The following SPMAP2L variants were observed in gnomAD, a reference collection of about 807,000 sequenced individuals.
The protein encoded by SPMAP2L is sperm microtubule associated protein 2-like.
At chr4:56,582,964 G>T in the SPMAP2L span, among the ~76,000 whole-genome samples, 2 of 152,140 alleles carry the variant, frequency 1.3e-5, no homozygotes, top group African/African-American at 4.8e-5. Context: ...CTACATATTT[G>T]TATCAGTCTA....
At chr4:56,593,044 C>T in the SPMAP2L span, 1 of 1,591,926 alleles carries the variant, frequency 6.3e-7, no homozygotes, top group Non-Finnish European at 8.6e-7. Flanking sequence ...AAAACCAGAT[C>T]TGGAGATCCT....
At chr4:56,559,551 A>T in the SPMAP2L span, 1 of 1,453,048 alleles carries the variant, frequency 6.9e-7, no homozygotes, top group Non-Finnish European at 9.0e-7. Context: ...ATGTTACTTT[A>T]TCAGGAGGTT....
the SPMAP2L span, among the ~76,000 whole-genome samples, chr4:56,579,540 C>T: frequency 2.7e-5 from 4 of 150,600 alleles, no homozygotes; most frequent in South Asian, 2.1e-4. Context: ...GAAGCTGAAG[C>T]GAGAGAATCA....
the SPMAP2L span, chr4:56,600,952 A>G: frequency 1.3e-6 from 2 of 1,533,902 alleles, no homozygotes; most frequent in Admixed American, 2.0e-5. Context: ...TGCTGCCATG[A>G]TAGCTAAACC....
At chr4:56,594,086 A>G in the SPMAP2L span, 1 of 1,608,416 alleles carries the variant, frequency 6.2e-7, no homozygotes, top group Non-Finnish European at 8.5e-7. Flanking sequence ...TGAAACAGTC[A>G]ATGAAAAAGA....
At chr4:56,545,287 T>C in the SPMAP2L span, among the ~76,000 whole-genome samples, 2 of 152,216 alleles carry the variant, frequency 1.3e-5, no homozygotes, top group Non-Finnish European at 2.9e-5. Context: ...TTCTCTTTCC[T>C]TGAGTTTTTC....
At chr4:56,625,911 CCAGA>C in the SPMAP2L span, among the ~76,000 whole-genome samples, 1 of 152,122 alleles carries the variant, frequency 6.6e-6, no homozygotes, top group Non-Finnish European at 1.5e-5. Context: ...GGTGTGTTTC[CCAGA>C]CAATCTCCAG....
chr4:56,552,242 A>G, the SPMAP2L span, among the ~76,000 whole-genome samples: 1 of 152,224 alleles, frequency 6.6e-6, no homozygotes, highest in Non-Finnish European at 1.5e-5. Context: ...TGACCTTAAT[A>G]GACTGATTGA....
the SPMAP2L span, among the ~76,000 whole-genome samples, chr4:56,580,746 T>A: frequency 6.6e-6 from 1 of 151,916 alleles, no homozygotes; most frequent in Non-Finnish European, 1.5e-5. Flanking sequence ...TCTTAAGGAA[T>A]CTACATAAAG....
At chr4:56,535,899 GAC>G in the SPMAP2L span, among the ~76,000 whole-genome samples, 1 of 152,204 alleles carries the variant, frequency 6.6e-6, no homozygotes, top group Non-Finnish European at 1.5e-5. Flanking sequence ...TTTCGTGGAA[GAC>G]AGTTTTTTCA....
chr4:56,600,370 T>G, the SPMAP2L span, among the ~76,000 whole-genome samples: 1 of 152,144 alleles, frequency 6.6e-6, no homozygotes, highest in African/African-American at 2.4e-5. Context: ...CTTGGCTCAC[T>G]GCAACCTCCG....
chr4:56,563,885 G>A, the SPMAP2L span, among the ~76,000 whole-genome samples: 13 of 152,246 alleles, frequency 8.5e-5, no homozygotes, highest in East Asian at 2.1e-3. Flanking sequence ...TGGTATTACG[G>A]TAATGGTGTC....
chr4:56,620,994 T>C, the SPMAP2L span, among the ~76,000 whole-genome samples: 2 of 152,194 alleles, frequency 1.3e-5, no homozygotes. Context: ...TATTCTAATA[T>C]TGACTGTTAC....
chr4:56,553,498 C>CT, the SPMAP2L span, among the ~76,000 whole-genome samples: 78,743 of 146,568 alleles, frequency 0.54, 22,031 homozygotes, highest in Middle Eastern at 0.7. Context: ...TGTCCTATTG[C>CT]TTTTTTTTTT....
At chr4:56,590,846 G>A in the SPMAP2L span, among the ~76,000 whole-genome samples, 2 of 152,134 alleles carry the variant, frequency 1.3e-5, no homozygotes, top group Admixed American at 1.3e-4. Flanking sequence ...AGGACAGACA[G>A]CTTTATTCAC....
At chr4:56,530,640 G>A in the SPMAP2L span, 3 of 1,519,356 alleles carry the variant, frequency 2.0e-6, no homozygotes, top group South Asian at 3.7e-5. Context: ...CCAGTCGGGA[G>A]GGTGAGTCCC....
the SPMAP2L span, among the ~76,000 whole-genome samples, chr4:56,588,710 C>T: frequency 2.0e-5 from 3 of 152,024 alleles, no homozygotes; most frequent in African/African-American, 4.8e-5. Context: ...GGATTACAGG[C>T]GTTAGCCACT....
At chr4:56,590,926 G>T in the SPMAP2L span, among the ~76,000 whole-genome samples, 2 of 152,180 alleles carry the variant, frequency 1.3e-5, no homozygotes, top group Non-Finnish European at 2.9e-5. Flanking sequence ...TCTTCAGTTT[G>T]AATGTTACCT....
the SPMAP2L span, among the ~76,000 whole-genome samples, chr4:56,591,389 G>T: frequency 2.4e-4 from 36 of 152,250 alleles, no homozygotes; most frequent in East Asian, 6.8e-3. Context: ...CCCATCTCAG[G>T]TAGGTCTTTA....
Sources: gnomAD v4.1 joint callset for allele counts (sites outside exome capture counted in the v4.1 genomes callset) on GRCh38, gnomAD v4.1.1 for gene constraint, MANE v1.5 for transcripts, NCBI Gene and HGNC (gene_info 2026-07-23, HGNC 2026-07-21) for gene names.